The following CDC42BPA variants were observed in gnomAD, a reference collection of about 807,000 sequenced individuals.
The protein encoded by CDC42BPA is CDC42 binding protein kinase alpha, also known as serine/threonine-protein kinase MRCK alpha.
CDC42BPA carries 80 observed loss-of-function variants against 223.5 expected under a neutral mutation model. That is an observed-to-expected ratio of 0.36 (90% confidence interval 0.30 to 0.43). CDC42BPA has a LOEUF of 0.43. Among genes scored for constraint, CDC42BPA ranks in the 20% least tolerant of loss-of-function variants. The pLI, the probability that CDC42BPA is intolerant of heterozygous loss-of-function variation, is 1.00. For synonymous variants in CDC42BPA, 694 were observed against 718.6 expected (o/e 0.97, Z 0.55); for missense variants, 1,743 against 2,099.9 (o/e 0.83, Z 3.32).
chr1:227,059,211 A>C (rs2148935434), intron 21 of CDC42BPA, among the ~76,000 whole-genome samples: 1 of 152,280 alleles, frequency 6.6e-6, no homozygotes, highest in Non-Finnish European at 1.5e-5. Context: ...ATAAACAAAA[A>C]CATAAAAGCA....
At chr1:227,136,629 A>G (rs1411978753) in intron 10 of CDC42BPA, among the ~76,000 whole-genome samples, 3 of 152,214 alleles carry the variant, frequency 2.0e-5, no homozygotes, top group Non-Finnish European at 1.5e-5. Context: ...TTAAGGACAT[A>G]ATACTGAAAG....
At chr1:227,030,686 G>T (rs1172203524) in intron 28 of CDC42BPA, among the ~76,000 whole-genome samples, 7 of 152,038 alleles carry the variant, frequency 4.6e-5, no homozygotes, top group Admixed American at 1.3e-4. Context: ...CTTACAAAAA[G>T]AAGTAAATGT....
Position 227,129,092 on chromosome 1 carries a change from G to A in CDC42BPA, c.1513+17C>T, listed in dbSNP as rs1270089649. 4.4e-6 allele frequency: 6 copies of A among 1,351,852 alleles called. No homozygotes were observed. The Admixed American group carries it at 1.2e-4, about 27-fold the overall frequency. The allele number at this position is 1,351,852 out of a possible 1,614,324, so 83.7% of individuals were successfully genotyped here. ...ACATTTCCTAAATTGAATTAACAGTGAATCACAGATATTTACCTGTTACTT... is the reference window on the plus strand; with the variant it reads ...ACATTTCCTAAATTGAATTAACAGTAAATCACAGATATTTACCTGTTACTT... On this transcript the variant is annotated intron_variant, in intron 11 of 36. Transcript: ENST00000366766.
chr1:227,010,113 T>C (rs1321189443), intron 34 of CDC42BPA, among the ~76,000 whole-genome samples: 1 of 152,152 alleles, frequency 6.6e-6, no homozygotes, highest in Non-Finnish European at 1.5e-5. Context: ...GATGGACATA[T>C]GAATATTCAG....
chr1:227,065,558 T>C (rs986442416), intron 21 of CDC42BPA, among the ~76,000 whole-genome samples: 1 of 152,248 alleles, frequency 6.6e-6, no homozygotes, highest in Non-Finnish European at 1.5e-5. Flanking sequence ...GCTCCGAACA[T>C]CTTCCCATTG....
intron 12 of CDC42BPA, among the ~76,000 whole-genome samples, chr1:227,118,313 C>T (rs1281172399): frequency 3.3e-5 from 5 of 152,132 alleles, no homozygotes; most frequent in Non-Finnish European, 7.4e-5. Flanking sequence ...TTCAACATCA[C>T]TAGTCATAAG....
At chr1:227,012,755 T>C (rs1264165148) in intron 34 of CDC42BPA, among the ~76,000 whole-genome samples, 1 of 152,096 alleles carries the variant, frequency 6.6e-6, no homozygotes, top group South Asian at 2.1e-4. Context: ...TCCATTTCAA[T>C]GGAAAGAACA....
chr1:227,278,209 T>C (rs937364060), intron 1 of CDC42BPA, among the ~76,000 whole-genome samples: 13 of 152,248 alleles, frequency 8.5e-5, no homozygotes, highest in East Asian at 1.9e-4. Context: ...TACAAAGCTT[T>C]TGAAAAGCAA....
chr1:227,138,201 T>C (rs1040378038), intron 10 of CDC42BPA, among the ~76,000 whole-genome samples: 2 of 152,076 alleles, frequency 1.3e-5, no homozygotes, highest in Non-Finnish European at 2.9e-5. Flanking sequence ...AAACTTTGAT[T>C]AGTTACAAAA....
At position 226,994,199 on chromosome 1, in the gene CDC42BPA, G is replaced by A. The variant is rs965250898; in HGVS notation, c.*69C>T. ...TCAGGCCGAGCAGGCGAGGTGGAGGGAAGAGATGAAAGTGAGAGGAGGCGA... is the reference window on the plus strand; with the variant it reads ...TCAGGCCGAGCAGGCGAGGTGGAGGAAAGAGATGAAAGTGAGAGGAGGCGA... On this transcript the variant is annotated 3_prime_UTR_variant, in exon 37 of 37. Coordinates refer to ENST00000366766, the MANE Select transcript of CDC42BPA (RefSeq NM_001394014.1). The surrounding 1 kb of genome is among the most constrained non-coding windows in gnomAD (Gnocchi z 4.0). 5.4e-6 allele frequency: 8 copies of A among 1,479,472 alleles called. No individual in the cohort carries two copies. Among genetic ancestry groups the A allele is most frequent in the Non-Finnish European group, 7.3e-6 (8 of 1,090,774 alleles). 91.6% of individuals were successfully genotyped at this position (1,479,472 alleles called of 1,614,324 possible).
chr1:227,127,639 C>A (rs542290058), intron 11 of CDC42BPA, among the ~76,000 whole-genome samples: 21 of 152,256 alleles, frequency 1.4e-4, no homozygotes, highest in Admixed American at 5.9e-4. Context: ...GGTACCAAAG[C>A]AAACTCCATG....
chr1:227,290,568 T>C (rs1689527920), intron 1 of CDC42BPA, among the ~76,000 whole-genome samples: 1 of 152,150 alleles, frequency 6.6e-6, no homozygotes, highest in African/African-American at 2.4e-5. Context: ...TGGTATGACA[T>C]ACATAAAAAG....
intron 3 of CDC42BPA, among the ~76,000 whole-genome samples, chr1:227,204,540 T>A (rs1672332953): frequency 6.6e-6 from 1 of 152,102 alleles, no homozygotes; most frequent in Non-Finnish European, 1.5e-5. Flanking sequence ...AAGTTCTAGG[T>A]CAAGCATAAA....
At chr1:227,264,828 T>C in intron 1 of CDC42BPA, 3 of 1,490,262 alleles carry the variant, frequency 2.0e-6, no homozygotes, top group Non-Finnish European at 2.8e-6. Flanking sequence ...TTTGGAATTG[T>C]GTATGCCACT....
At chr1:227,301,647 T>A (rs1420840813) in intron 1 of CDC42BPA, among the ~76,000 whole-genome samples, 3 of 152,188 alleles carry the variant, frequency 2.0e-5, no homozygotes, top group Non-Finnish European at 4.4e-5. Flanking sequence ...CATGAGCCAC[T>A]GTGCCCAGCC....
chr1:227,105,738 G>T (rs530227993), intron 14 of CDC42BPA, among the ~76,000 whole-genome samples: 24 of 152,144 alleles, frequency 1.6e-4, no homozygotes, highest in Admixed American at 9.8e-4. Flanking sequence ...TACTTAGTAC[G>T]TTTTCGAGAT....
chr1:227,006,691 C>T (rs1664119069), intron 34 of CDC42BPA, among the ~76,000 whole-genome samples: 1 of 152,130 alleles, frequency 6.6e-6, no homozygotes, highest in Admixed American at 6.6e-5. Context: ...AATCCCAGCA[C>T]TTTGGGAGAC....
At chr1:227,292,827 A>G (rs1689921880) in intron 1 of CDC42BPA, among the ~76,000 whole-genome samples, 1 of 152,106 alleles carries the variant, frequency 6.6e-6, no homozygotes, top group African/African-American at 2.4e-5. Context: ...TTGAATGACT[A>G]CCCTTTGACC....
chr1:227,168,506 T>TTTTGTTTTTTTTTTTTTTTTC (rs1216973296), intron 5 of CDC42BPA, among the ~76,000 whole-genome samples: 1 of 134,514 alleles, frequency 7.4e-6, no homozygotes, highest in Non-Finnish European at 1.6e-5. Flanking sequence ...TGTTTTTTTT[T>TTTTGTTTTTTTTTTTTTTTTC]TTTTTTTGAG....
Sources: allele counts gnomAD v4.1 joint callset (sites outside exome capture counted in the v4.1 genomes callset), GRCh38; gene constraint gnomAD v4.1.1; non-coding constraint Gnocchi (gnomAD v3.1); transcripts MANE v1.5; gene names NCBI Gene and HGNC (gene_info 2026-07-23, HGNC 2026-07-21).